The following ABCC1 variants were observed in gnomAD, a reference collection of about 807,000 sequenced individuals.
ABCC1 encodes the protein multidrug resistance-associated protein 1.
In ABCC1, 83 loss-of-function variants were observed where a neutral mutation model predicts 172.9. The ratio of observed to expected loss-of-function variants is 0.48; its 90% CI spans 0.40 to 0.58. ABCC1 has a LOEUF of 0.58. Ranked by LOEUF, ABCC1 falls within the 20% of genes least tolerant of loss-of-function variation. The pLI is 0.00. For synonymous variants in ABCC1, 937 were observed against 825.2 expected, an observed-to-expected ratio of 1.14 and a Z score of -2.32; for missense variants, 1,817 against 2,002.7, an observed-to-expected ratio of 0.91 and a Z score of 1.77.
chr16:15,970,877 G>A (rs925711840), intron 1 of ABCC1, among the ~76,000 whole-genome samples: 4 of 152,184 alleles, frequency 2.6e-5, no homozygotes, highest in African/African-American at 4.8e-5. Context: ...TTACAGGTGT[G>A]AGCCATTATA....
intron 12 of ABCC1, among the ~76,000 whole-genome samples, chr16:16,062,948 T>C (rs1381997354): frequency 1.3e-5 from 2 of 152,192 alleles, no homozygotes; most frequent in African/African-American, 2.4e-5. Flanking sequence ...CTTGGATGAT[T>C]TGTGAGCTTC....
intron 12 of ABCC1, among the ~76,000 whole-genome samples, chr16:16,065,636 TCAGA>T (rs1203959312): frequency 6.6e-6 from 1 of 152,152 alleles, no homozygotes; most frequent in Non-Finnish European, 1.5e-5. Flanking sequence ...TTTTGCCCTG[TCAGA>T]CAGGCTGGTC....
intron 8 of ABCC1, 71 bp downstream of exon 8, chr16:16,044,751 A>G (rs2049132305): frequency 1.4e-6 from 2 of 1,418,906 alleles, no homozygotes; most frequent in Non-Finnish European, 2.0e-6. Flanking sequence ...TGCATCAGTC[A>G]TAACCCTGGG....
At chr16:15,971,460 CTT>C (rs1456822251) in intron 1 of ABCC1, among the ~76,000 whole-genome samples, 7 of 152,216 alleles carry the variant, frequency 4.6e-5, no homozygotes, top group Non-Finnish European at 7.3e-5. Flanking sequence ...TTACAAGAAA[CTT>C]TTCCGGAGTT....
chr16:16,024,788 G>T (rs1248999483), intron 5 of ABCC1, among the ~76,000 whole-genome samples: 1 of 152,174 alleles, frequency 6.6e-6, no homozygotes, highest in Non-Finnish European at 1.5e-5. Context: ...GGACATGGGG[G>T]TGAGGTCGGT....
chr16:16,131,650 C>A, intron 26 of ABCC1, 139 bp from the exon 27 acceptor site: 3 of 895,198 alleles, frequency 3.4e-6, no homozygotes, highest in Non-Finnish European at 5.0e-6. Flanking sequence ...AATAACATTC[C>A]AGGAAGGGCA....
intron 1 of ABCC1, among the ~76,000 whole-genome samples, chr16:15,980,134 C>A (rs2151580004): frequency 6.6e-6 from 1 of 152,220 alleles, no homozygotes; most frequent in African/African-American, 2.4e-5. Context: ...GGTTGGCATG[C>A]TTTTTCTGTG....
Position 16,013,852 on chromosome 16 carries a change from C to G in ABCC1, c.352-639C>G, listed in dbSNP as rs565785171. Among the ~76,000 whole-genome samples the G allele has an allele frequency of 1.4e-4, 21 of 152,184 alleles. No individual in the cohort carries two copies. The South Asian group carries it at 3.5e-3, about 26-fold the overall frequency. On this transcript the variant is annotated intron_variant, in intron 3 of 30. Transcript: ENST00000399410. Reference sequence around the variant, plus strand: ...TGCGGAGAAAAGCACATGTAAAGTCCTGAGGGTCACAGGGAAAACTTGAGA... The same window carrying G: ...TGCGGAGAAAAGCACATGTAAAGTCGTGAGGGTCACAGGGAAAACTTGAGA...
intron 1 of ABCC1, among the ~76,000 whole-genome samples, chr16:15,973,398 C>T (rs1285468752): frequency 1.3e-5 from 2 of 152,016 alleles, no homozygotes; most frequent in Non-Finnish European, 2.9e-5. Context: ...GGGTAGAGGC[C>T]AGGGGGTGTG....
chr16:16,053,378 CA>C (rs1306920642), intron 11 of ABCC1, among the ~76,000 whole-genome samples: 1 of 152,098 alleles, frequency 6.6e-6, no homozygotes, highest in Admixed American at 6.5e-5. Flanking sequence ...CTCAGCCTCT[CA>C]AAGTGTTGGG....
chr16:15,958,652 C>G (rs2046058973), intron 1 of ABCC1, among the ~76,000 whole-genome samples: 1 of 152,162 alleles, frequency 6.6e-6, no homozygotes, highest in African/African-American at 2.4e-5. Flanking sequence ...AACATTTTGC[C>G]AAAATTAATT....
At chr16:16,101,054 C>CA in intron 19 of ABCC1, among the ~76,000 whole-genome samples, 1 of 150,622 alleles carries the variant, frequency 6.6e-6, no homozygotes, top group African/African-American at 2.4e-5. Flanking sequence ...TATTTTTAGA[C>CA]AGAGTCTCGC....
intron 9 of ABCC1, 32 bp downstream of exon 9, chr16:16,046,045 C>T (rs1414222756): frequency 8.1e-6 from 13 of 1,608,114 alleles, no homozygotes; most frequent in East Asian, 2.2e-5. Flanking sequence ...GCATGTGGCC[C>T]GACTTCCACA....
At chr16:16,042,708 A>G (rs78486607) in intron 7 of ABCC1, among the ~76,000 whole-genome samples, 6 of 131,760 alleles carry the variant, frequency 4.6e-5, no homozygotes, top group East Asian at 2.5e-4. Context: ...ATCTCAAAAA[A>G]AAAAAAAAAA....
Position 16,065,850 on chromosome 16 carries a change from T to G in ABCC1, c.1678-2306T>G, listed in dbSNP as rs1435682212. ...TCCTCGGCCTTGCAAAGCATTTGGA[T>G]TACAGGCATGGGCTACCATGCCGAT... On this transcript the variant is annotated intron_variant, in intron 12 of 30. Coordinates refer to ENST00000399410, the MANE Select transcript of ABCC1 (RefSeq NM_004996.4). Among the ~76,000 whole-genome samples, 5 of 152,328 alleles carry G rather than the reference T, an allele frequency of 3.3e-5. No homozygotes were observed. In the East Asian group the frequency reaches 7.7e-4, roughly 24 times the overall value.
chr16:16,129,530 T>G (rs1187903788), intron 26 of ABCC1, among the ~76,000 whole-genome samples: 10 of 145,762 alleles, frequency 6.9e-5, no homozygotes, highest in Middle Eastern at 3.6e-3. Flanking sequence ...GGTGGTGGGG[T>G]TTTTTTTTGT....
intron 1 of ABCC1, among the ~76,000 whole-genome samples, chr16:15,971,818 C>T (rs145399508): frequency 1.3e-5 from 2 of 152,188 alleles, no homozygotes; most frequent in Non-Finnish European, 2.9e-5. Context: ...TGGGGGAACA[C>T]CAGGGTTCTT....
chr16:15,989,816 C>T (rs779818084), intron 1 of ABCC1, among the ~76,000 whole-genome samples: 3 of 152,132 alleles, frequency 2.0e-5, no homozygotes, highest in Non-Finnish European at 4.4e-5. Flanking sequence ...GAGCGATGTA[C>T]ATGAAACCTG....
At chr16:16,129,480 C>G (rs1200029909) in intron 26 of ABCC1, among the ~76,000 whole-genome samples, 1 of 151,568 alleles carries the variant, frequency 6.6e-6, no homozygotes, top group African/African-American at 2.4e-5. Context: ...GAGACATCGT[C>G]TCTACAAAAT....
Sources: gnomAD v4.1 joint callset for allele counts (sites outside exome capture counted in the v4.1 genomes callset) on GRCh38, gnomAD v4.1.1 for gene constraint, MANE v1.5 for transcripts, NCBI Gene and HGNC (gene_info 2026-07-23, HGNC 2026-07-21) for gene names.